LGSN: variants seen among roughly 807,000 people sequenced by gnomAD.
The protein encoded by LGSN is lengsin, lens protein with glutamine synthetase domain.
LGSN carries 21 observed loss-of-function variants against 19.5 expected under a neutral mutation model. The ratio of observed to expected loss-of-function variants is 1.07; its 90% CI spans 0.76 to 1.55. The LOEUF (loss-of-function observed/expected upper bound fraction) is 1.55. Ranked by LOEUF, LGSN falls within the 40% of genes most tolerant of loss-of-function variation. The pLI, the probability that LGSN is intolerant of heterozygous loss-of-function variation, is 0.00. For synonymous variants in LGSN, 257 were observed against 215.6 expected, an observed-to-expected ratio of 1.19 and a Z score of -1.68; for missense variants, 673 against 608.5, an observed-to-expected ratio of 1.11 and a Z score of -1.12.
At chr6:63,546,750 G>A in the LGSN span, among the ~76,000 whole-genome samples, 1 of 152,080 alleles carries the variant, frequency 6.6e-6, no homozygotes, top group South Asian at 2.1e-4. Flanking sequence ...GGATGACTAA[G>A]TTCTGGAGAT....
chr6:63,430,996 C>T, the LGSN span, among the ~76,000 whole-genome samples: 2 of 152,136 alleles, frequency 1.3e-5, no homozygotes, highest in Non-Finnish European at 2.9e-5. Context: ...CTTCAACTAA[C>T]TCAGTGCCTG....
chr6:63,400,580 C>T, the LGSN span, among the ~76,000 whole-genome samples: 1 of 152,310 alleles, frequency 6.6e-6, no homozygotes. Flanking sequence ...TAAATGCATG[C>T]ATATCTCTAC....
chr6:63,559,431 A>G, the LGSN span, among the ~76,000 whole-genome samples: 2 of 152,146 alleles, frequency 1.3e-5, no homozygotes, highest in Non-Finnish European at 2.9e-5. Flanking sequence ...AAACGCAGCA[A>G]AAAAAATCAT....
chr6:63,510,106 A>G, the LGSN span, among the ~76,000 whole-genome samples: 1 of 152,222 alleles, frequency 6.6e-6, no homozygotes, highest in Non-Finnish European at 1.5e-5. Context: ...AGAAACAACA[A>G]CAAACCCTTG....
the LGSN span, among the ~76,000 whole-genome samples, chr6:63,398,806 G>C: frequency 6.6e-6 from 1 of 152,188 alleles, no homozygotes; most frequent in East Asian, 1.9e-4. Flanking sequence ...TCCATTCATA[G>C]TACCACTTTT....
chr6:63,414,661 G>A, the LGSN span, among the ~76,000 whole-genome samples: 8 of 152,344 alleles, frequency 5.3e-5, no homozygotes, highest in Middle Eastern at 3.4e-3. Flanking sequence ...GCGATGGCGC[G>A]TGCCTGTAAT....
At chr6:63,325,811 T>C in the LGSN span, among the ~76,000 whole-genome samples, 2 of 152,160 alleles carry the variant, frequency 1.3e-5, no homozygotes, top group African/African-American at 2.4e-5. Context: ...TTACAGCTCA[T>C]AAAAGCAGTG....
At chr6:63,541,138 A>G in the LGSN span, among the ~76,000 whole-genome samples, 8 of 152,312 alleles carry the variant, frequency 5.3e-5, no homozygotes, top group Admixed American at 3.3e-4. Context: ...TGAGCTCTAT[A>G]TAGTTTAAAA....
At chr6:63,374,051 G>A in the LGSN span, among the ~76,000 whole-genome samples, 2 of 152,092 alleles carry the variant, frequency 1.3e-5, no homozygotes, top group Admixed American at 1.3e-4. Flanking sequence ...TTTGATGTCT[G>A]TACTATGGTT....
chr6:63,326,079 G>A, the LGSN span, among the ~76,000 whole-genome samples: 2 of 151,698 alleles, frequency 1.3e-5, no homozygotes, highest in Admixed American at 1.3e-4. Context: ...CACCAGATTA[G>A]CTAGATACAG....
At chr6:63,461,065 G>T in the LGSN span, among the ~76,000 whole-genome samples, 1 of 152,106 alleles carries the variant, frequency 6.6e-6, no homozygotes, top group Admixed American at 6.6e-5. Context: ...CTGCTGCTGG[G>T]TTTTTTGGGT....
intron 1 of LGSN, among the ~76,000 whole-genome samples, chr6:63,313,093 A>T (rs1160599279): frequency 6.6e-6 from 1 of 152,198 alleles, no homozygotes; most frequent in East Asian, 1.9e-4. Flanking sequence ...TGAGAAAATA[A>T]GAGATGTAAA....
At chr6:63,404,851 A>T in the LGSN span, among the ~76,000 whole-genome samples, 1 of 151,926 alleles carries the variant, frequency 6.6e-6, no homozygotes, top group African/African-American at 2.4e-5. Context: ...CATGTGCACA[A>T]TGTGCAGGTT....
chr6:63,361,942 G>T, the LGSN span, among the ~76,000 whole-genome samples: 10 of 152,164 alleles, frequency 6.6e-5, no homozygotes. Context: ...TGCAGGTATT[G>T]TATGTCAGGC....
chr6:63,513,311 G>T, the LGSN span, among the ~76,000 whole-genome samples: 1 of 152,142 alleles, frequency 6.6e-6, no homozygotes, highest in East Asian at 1.9e-4. Context: ...TCATTGGCAG[G>T]ATTGTGTGCC....
the LGSN span, among the ~76,000 whole-genome samples, chr6:63,404,701 G>A: frequency 6.6e-6 from 1 of 152,046 alleles, no homozygotes; most frequent in African/African-American, 2.4e-5. Context: ...ATCTTCTAAT[G>A]TCATAACCTT....
chr6:63,572,784 G>C, the LGSN span: 1 of 398,248 alleles, frequency 2.5e-6, no homozygotes, highest in Non-Finnish European at 4.4e-6. Flanking sequence ...CATCCCCGCT[G>C]TCGCCTTTGT....
At chr6:63,507,787 A>T in the LGSN span, among the ~76,000 whole-genome samples, 1 of 152,218 alleles carries the variant, frequency 6.6e-6, no homozygotes, top group Admixed American at 6.5e-5. Context: ...CCTGCTTCAT[A>T]AAAATGGTAT....
the LGSN span, among the ~76,000 whole-genome samples, chr6:63,379,180 C>T: frequency 6.6e-6 from 1 of 151,766 alleles, no homozygotes; most frequent in Non-Finnish European, 1.5e-5. Context: ...AGTAAATGCC[C>T]CCCCCTTTTT....
Sources: allele counts gnomAD v4.1 joint callset (sites outside exome capture counted in the v4.1 genomes callset), GRCh38; gene constraint gnomAD v4.1.1; transcripts MANE v1.5; gene names NCBI Gene and HGNC (gene_info 2026-07-23, HGNC 2026-07-21).